B4GALT2: variants seen among roughly 807,000 people sequenced by gnomAD.
B4GALT2 encodes beta-1,4-galactosyltransferase 2, also known as N-acetyllactosamine synthase.
A neutral mutation model predicts 33.2 loss-of-function variants in B4GALT2; 18 were observed. That is an observed-to-expected ratio of 0.54 (90% CI 0.38 to 0.80). The LOEUF (loss-of-function observed/expected upper bound fraction) is 0.80. Among genes scored for constraint, B4GALT2 ranks in the 30% least tolerant of loss-of-function variants. The pLI is 0.00. For synonymous variants in B4GALT2, 214 were observed against 217.6 expected, an observed-to-expected ratio of 0.98 and a Z score of 0.15; for missense variants, 404 against 526.2, an observed-to-expected ratio of 0.77 and a Z score of 2.27.
chr1:43,980,992 G>T (rs1379292422), intron 1 of B4GALT2, 117 bp from the exon 2 acceptor site: 2 of 1,336,216 alleles, frequency 1.5e-6, no homozygotes, highest in African/African-American at 3.0e-5. Context: ...GAAAGGGTAT[G>T]AGCAGGTCAG....
intron 6 of B4GALT2, among the ~76,000 whole-genome samples, chr1:43,987,446 A>G (rs2085670967): frequency 6.6e-6 from 1 of 152,080 alleles, no homozygotes; most frequent in South Asian, 2.1e-4. Context: ...AGAGTTCACA[A>G]ACTGTGAACT....
At chr1:43,985,712 C>A (rs892784158) in intron 6 of B4GALT2, 91 bp downstream of exon 6, 3 of 1,218,766 alleles carry the variant, frequency 2.5e-6, no homozygotes, top group Non-Finnish European at 2.4e-6. Flanking sequence ...CCTGATCCCC[C>A]AGTGGGGGAC....
rs1250179519 is a variant in B4GALT2, at chr1:43,981,933, G to T, written c.549+9G>T. Reference sequence around the variant, plus strand: ...TCTATGTCATCAACCAGGTGCCCATGCGGGGGTCCATGTGCCTGTTGGTGT... The same window carrying T: ...TCTATGTCATCAACCAGGTGCCCATTCGGGGGTCCATGTGCCTGTTGGTGT... On this transcript the variant is annotated intron_variant, in intron 3 of 6. Coordinates refer to ENST00000372324, the MANE Select transcript of B4GALT2 (RefSeq NM_003780.5). The surrounding 1 kb of genome is among the most constrained non-coding windows in gnomAD (Gnocchi z 8.1). 1.2e-6 allele frequency: 2 copies of T among 1,612,796 alleles called. No individual in the cohort carries two copies. Among genetic ancestry groups the T allele is most frequent in the African/African-American group, 2.7e-5 (2 of 74,934 alleles).
intron 4 of B4GALT2, 110 bp downstream of exon 4, chr1:43,985,165 G>T: frequency 1.3e-6 from 2 of 1,563,810 alleles, no homozygotes; most frequent in Non-Finnish European, 1.7e-6. Flanking sequence ...GACCCCACTG[G>T]CGAGGCTGGA....
chr1:43,982,919 C>A lies in B4GALT2; in HGVS notation c.549+995C>A, dbSNP rs572347911. The stretch of plus-strand genomic sequence containing the variant: ...ACGATGCCCAGGAAAGAGGCGGTGA[C>A]CCTGCGGATGTGTGGGGCGGGAGTC... On this transcript the variant is annotated intron_variant, in intron 3 of 6. Transcript: ENST00000372324. The surrounding 1 kb of genome is among the most constrained non-coding windows in gnomAD (Gnocchi z 4.3). Among the ~76,000 whole-genome samples, 1 of 152,210 alleles carries A rather than the reference C, an allele frequency of 6.6e-6. No homozygotes were observed. The highest frequency in any genetic ancestry group is 2.1e-4 in the South Asian group (1 of 4,812).
Position 43,981,020 on chromosome 1 carries a change from G to T in B4GALT2, c.-52-89G>T. 1 of 1,425,940 alleles carries T rather than the reference G, an allele frequency of 7.0e-7. No individual in the cohort carries two copies. The highest frequency in any genetic ancestry group is 1.4e-5 in the South Asian group (1 of 70,830). The allele number at this position is 1,425,940 out of a possible 1,614,324, so 88.3% of individuals were successfully genotyped here. On this transcript the variant is annotated intron_variant, in intron 1 of 6. Coordinates refer to ENST00000372324, the MANE Select transcript of B4GALT2 (RefSeq NM_003780.5). The surrounding 1 kb of genome is among the most constrained non-coding windows in gnomAD (Gnocchi z 8.1). ...CAGGTCAGTGTGAGGTGTGGCCCAC[G>T]AGTGTGAGCAGCTGAGTGGGAGGTA...
Position 43,979,861 on chromosome 1 carries a change from C to G in B4GALT2, c.-53+350C>G, listed in dbSNP as rs938470532. Reference sequence around the variant, plus strand: ...ACCCACCCGGTCTGTGCGGCCTGCCCGTCCGCGGGTGCCACGTGTTCAGCC... The same window carrying G: ...ACCCACCCGGTCTGTGCGGCCTGCCGGTCCGCGGGTGCCACGTGTTCAGCC... On this transcript the variant is annotated intron_variant, in intron 1 of 6. Transcript: ENST00000372324. The surrounding 1 kb of genome is among the most constrained non-coding windows in gnomAD (Gnocchi z 4.8). 1.1e-5 allele frequency: 9 copies of G among 803,624 alleles called. No individual in the cohort carries two copies. Among genetic ancestry groups the G allele is most frequent in the African/African-American group, 3.5e-5 (2 of 56,918 alleles). 49.8% of individuals were successfully genotyped at this position (803,624 alleles called of 1,614,324 possible).
intron 6 of B4GALT2, among the ~76,000 whole-genome samples, chr1:43,986,478 C>G (rs2085660528): frequency 6.6e-6 from 1 of 152,174 alleles, no homozygotes; most frequent in South Asian, 2.1e-4. Context: ...GTGCTACATT[C>G]CCCAGGCTAA....
chr1:43,981,768 C>A lies in B4GALT2; in HGVS notation c.393C>A (p.Gly131=). 1 of 1,613,564 alleles carries A rather than the reference C, an allele frequency of 6.2e-7. No homozygotes were observed. The highest frequency in any genetic ancestry group is 8.5e-7 in the Non-Finnish European group (1 of 1,180,002). ...GGGAGAACCCAGGCGTGCTCATGGG[C>A]GGCCGATACACACCGCCCGACTGCA... is the stretch of plus-strand genomic sequence containing the variant. The part of the protein sequence containing the change: ...VQRENPGVLM[G]GRYTPPDCTP... The change falls in exon 3 of 7, where the codon GGC becomes GGA. Residue 131 remains glycine (G), a synonymous_variant. Coordinates refer to ENST00000372324, the MANE Select transcript of B4GALT2 (RefSeq NM_003780.5). This position sits in a 1 kb window ranked among gnomAD's most constrained non-coding sequence, Gnocchi z 8.1.
chr1:43,986,376 A>T (rs1007577883), intron 6 of B4GALT2, among the ~76,000 whole-genome samples: 1 of 152,192 alleles, frequency 6.6e-6, no homozygotes, highest in South Asian at 2.1e-4. Context: ...GGGACTGGTG[A>T]TGGAAGCCTT....
intron 6 of B4GALT2, among the ~76,000 whole-genome samples, chr1:43,989,458 C>T (rs1557653703): frequency 6.6e-6 from 1 of 152,110 alleles, no homozygotes; most frequent in Non-Finnish European, 1.5e-5. Context: ...CCTTAACAGG[C>T]ACTTTGAGGG....
intron 3 of B4GALT2, among the ~76,000 whole-genome samples, chr1:43,983,487 C>T (rs576616544): frequency 1.9e-4 from 29 of 152,276 alleles, no homozygotes; most frequent in East Asian, 1.9e-4. Context: ...GACCAAGACT[C>T]GTCCAGTGGA....
intron 3 of B4GALT2, among the ~76,000 whole-genome samples, chr1:43,983,653 G>A (rs1419477976): frequency 6.6e-6 from 1 of 152,236 alleles, no homozygotes; most frequent in Non-Finnish European, 1.5e-5. Flanking sequence ...AGAAGGGAAG[G>A]CAAAAGGTAG....
chr1:43,989,531 T>C (rs2993619), intron 6 of B4GALT2, among the ~76,000 whole-genome samples: 131,598 of 152,186 alleles, frequency 0.86, 57,074 homozygotes, highest in East Asian at 0.93. Context: ...GGAGGAGCTA[T>C]GAATATTTAC....
intron 6 of B4GALT2, 146 bp from the exon 7 acceptor site, chr1:43,990,152 C>T: frequency 1.0e-6 from 1 of 993,998 alleles, no homozygotes; most frequent in East Asian, 2.4e-5. Context: ...GACGTCCCTT[C>T]CCATCATAGC....
intron 6 of B4GALT2, chr1:43,985,867 G>A (rs2085653710): frequency 3.5e-6 from 2 of 575,546 alleles, no homozygotes; most frequent in South Asian, 4.0e-5. Context: ...CTGACCTCTG[G>A]CCTGATTCCT....
In B4GALT2 at chr1:43,982,232, TAGACCCTGAAAGA is replaced by T. The variant is rs1027894845; in HGVS notation, c.549+311_549+323del. Among the ~76,000 whole-genome samples the T allele has an allele frequency of 6.6e-6, 1 of 151,984 alleles. No homozygotes were observed. Among genetic ancestry groups the T allele is most frequent in the Non-Finnish European group, 1.5e-5 (1 of 67,986 alleles). ...GTTGAGGGCCCTGAGGAGAGGGAGTTAGACCCTGAAAGAAGGATGAAGCCTGTAGAACCCTTTG... is the reference window on the plus strand; with the variant it reads ...GTTGAGGGCCCTGAGGAGAGGGAGTTAGGATGAAGCCTGTAGAACCCTTTG... On this transcript the variant is annotated intron_variant, in intron 3 of 6. Transcript: ENST00000372324. The surrounding 1 kb of genome is among the most constrained non-coding windows in gnomAD (Gnocchi z 4.3).
At chr1:43,980,037 G>T in intron 1 of B4GALT2, 1 of 1,517,118 alleles carries the variant, frequency 6.6e-7, no homozygotes, top group Non-Finnish European at 8.8e-7. Flanking sequence ...CAGGAGCAGT[G>T]GCCTTGTTTG....
intron 6 of B4GALT2, among the ~76,000 whole-genome samples, chr1:43,989,004 A>G (rs973196713): frequency 3.3e-5 from 5 of 152,188 alleles, no homozygotes; most frequent in Non-Finnish European, 7.3e-5. Context: ...GATTGGCTTA[A>G]GCCTAGGCCC....
Sources: gnomAD v4.1 joint callset for allele counts (sites outside exome capture counted in the v4.1 genomes callset) on GRCh38, gnomAD v4.1.1 for gene constraint, Gnocchi (gnomAD v3.1) non-coding constraint, MANE v1.5 for transcripts, NCBI Gene and HGNC (gene_info 2026-07-23, HGNC 2026-07-21) for gene names.